LRP1B: variants seen among roughly 807,000 people sequenced by gnomAD.
LRP1B encodes the protein low-density lipoprotein receptor-related protein 1B.
Under a neutral mutation model 556.6 loss-of-function variants are expected in LRP1B, and 217 were observed. The observed-to-expected ratio is 0.39, with a 90% CI of 0.35 to 0.44. The LOEUF (loss-of-function observed/expected upper bound fraction) is 0.44, where lower values mean the gene tolerates loss of function less well. Among genes scored for constraint, LRP1B ranks in the 20% least tolerant of loss-of-function variants. The pLI is 1.00. For missense variants in LRP1B, 5,053 were observed against 5,620.8 expected (o/e 0.90, Z 3.23); for synonymous variants, 2,047 against 1,865.8 (o/e 1.10, Z -2.50).
At chr2:140,791,306 G>A (rs1319717258) in intron 32 of LRP1B, among the ~76,000 whole-genome samples, 2 of 151,906 alleles carry the variant, frequency 1.3e-5, no homozygotes, top group African/African-American at 2.4e-5. Flanking sequence ...GTGTACCCCT[G>A]TAATCTAAGC....
chr2:141,173,516 A>G (rs1437600510), intron 7 of LRP1B, among the ~76,000 whole-genome samples: 2 of 152,052 alleles, frequency 1.3e-5, no homozygotes, highest in Non-Finnish European at 2.9e-5. Context: ...TCCCTCAGCA[A>G]CTATCAGTGC....
intron 77 of LRP1B, among the ~76,000 whole-genome samples, chr2:140,347,834 G>A (rs184525389): frequency 5.9e-5 from 9 of 152,036 alleles, no homozygotes; most frequent in East Asian, 1.9e-4. Flanking sequence ...GAAAGTCTCC[G>A]TCAGTATTAT....
chr2:140,921,088 G>A (rs956636390), intron 21 of LRP1B, among the ~76,000 whole-genome samples: 11 of 151,696 alleles, frequency 7.3e-5, no homozygotes, highest in East Asian at 5.8e-4. Flanking sequence ...TTACTTAATC[G>A]TACTATTTAT....
At chr2:140,651,580 G>A (rs1158415312) in intron 41 of LRP1B, among the ~76,000 whole-genome samples, 1 of 148,362 alleles carries the variant, frequency 6.7e-6, no homozygotes, top group East Asian at 2.0e-4. Flanking sequence ...GTAGGGAGAT[G>A]CAGTTACCCA....
chr2:141,906,416 G>A (rs963535221), intron 1 of LRP1B, among the ~76,000 whole-genome samples: 11 of 151,848 alleles, frequency 7.2e-5, no homozygotes, highest in Non-Finnish European at 4.4e-5. Context: ...CACATAAATT[G>A]CATTCAAATA....
At chr2:141,076,103 T>G (rs1363914048) in intron 7 of LRP1B, among the ~76,000 whole-genome samples, 1 of 152,210 alleles carries the variant, frequency 6.6e-6, no homozygotes, top group Non-Finnish European at 1.5e-5. Flanking sequence ...AAGCAATACT[T>G]TCTTTATGAT....
chr2:140,392,205 G>T (rs1684051695), intron 66 of LRP1B, among the ~76,000 whole-genome samples: 1 of 151,678 alleles, frequency 6.6e-6, no homozygotes, highest in Non-Finnish European at 1.5e-5. Context: ...CAGCTACAAA[G>T]TTTTTGTTTT....
At chr2:141,297,179 G>A (rs1358758854) in intron 3 of LRP1B, among the ~76,000 whole-genome samples, 2 of 152,160 alleles carry the variant, frequency 1.3e-5, no homozygotes, top group African/African-American at 4.8e-5. Context: ...GAGTGCATGT[G>A]TCTTTTCGGT....
intron 15 of LRP1B, among the ~76,000 whole-genome samples, chr2:140,995,355 A>G (rs1294605691): frequency 6.6e-6 from 1 of 152,058 alleles, no homozygotes; most frequent in Non-Finnish European, 1.5e-5. Flanking sequence ...TCCCAAATAA[A>G]ACATTTTAAG....
At chr2:140,581,070 T>C (rs1023036029) in intron 43 of LRP1B, among the ~76,000 whole-genome samples, 1 of 152,180 alleles carries the variant, frequency 6.6e-6, no homozygotes, top group Non-Finnish European at 1.5e-5. Context: ...GGGTGAGTCC[T>C]CCAGGAGCAT....
At chr2:141,548,364 G>A (rs1416897173) in intron 2 of LRP1B, among the ~76,000 whole-genome samples, 1 of 152,226 alleles carries the variant, frequency 6.6e-6, no homozygotes, top group African/African-American at 2.4e-5. Context: ...TAGATAAAAT[G>A]AAGGGGGCTA....
intron 18 of LRP1B, among the ~76,000 whole-genome samples, chr2:140,967,431 G>T (rs1696263941): frequency 6.6e-6 from 1 of 152,044 alleles, no homozygotes. Context: ...AGCTTAAGGA[G>T]ATTTTGGGCT....
At chr2:140,780,371 C>T (rs1397827401) in intron 32 of LRP1B, among the ~76,000 whole-genome samples, 1 of 152,022 alleles carries the variant, frequency 6.6e-6, no homozygotes, top group African/African-American at 2.4e-5. Flanking sequence ...ACTGGGCTGG[C>T]TGTCTGACTA....
In LRP1B at chr2:140,868,277, A is replaced by AT; in HGVS notation, c.4170-15_4170-14insA. 1 of 1,556,258 alleles carries AT rather than the reference A, an allele frequency of 6.4e-7. No homozygotes were observed. Among genetic ancestry groups the AT allele is most frequent in the East Asian group, 2.3e-5 (1 of 43,340 alleles). On this transcript the variant is annotated splice_polypyrimidine_tract_variant and intron_variant, in intron 25 of 90. Coordinates refer to ENST00000389484, the MANE Select transcript of LRP1B (RefSeq NM_018557.3). ...CAGAAAAGAATTCTAAAAAAAAAAA[A>AT]AAAAAAAGAAATAATACTATTGTTT...
At chr2:141,099,958 A>AT (rs1700417304) in intron 7 of LRP1B, among the ~76,000 whole-genome samples, 1 of 152,246 alleles carries the variant, frequency 6.6e-6, no homozygotes, top group Admixed American at 6.5e-5. Flanking sequence ...CTATTATTCT[A>AT]TTTTACCAAC....
intron 3 of LRP1B, among the ~76,000 whole-genome samples, chr2:141,291,823 T>C (rs1442077184): frequency 8.2e-6 from 1 of 122,460 alleles, no homozygotes; most frequent in Non-Finnish European, 1.6e-5. Context: ...GCCACTGCAC[T>C]CCAGCCTGGG....
In LRP1B at chr2:140,526,127, G is replaced by C. The variant is rs904154263; in HGVS notation, c.7876+110C>G. ...TACGTAATTATCCCACACAACAGGG[G>C]TTAATTACATACCAATTTTGGACAA... On this transcript the variant is annotated intron_variant, in intron 48 of 90. Transcript: ENST00000389484. 2.2e-6 allele frequency: 3 copies of C among 1,348,254 alleles called. No homozygotes were observed. The East Asian group carries it at 7.1e-5, about 32-fold the overall frequency. The allele number at this position is 1,348,254 out of a possible 1,614,324, so 83.5% of individuals were successfully genotyped here. A position where few individuals can be genotyped will look rare whatever the true frequency, so the allele number is the denominator to read the frequency against.
At chr2:140,883,613 A>G (rs1288988392) in intron 25 of LRP1B, among the ~76,000 whole-genome samples, 1 of 151,728 alleles carries the variant, frequency 6.6e-6, no homozygotes, top group South Asian at 2.1e-4. Flanking sequence ...AAGCAATCCT[A>G]TCACCAAACT....
chr2:140,544,191 G>A (rs1309087062), intron 43 of LRP1B, among the ~76,000 whole-genome samples: 1 of 52,052 alleles, frequency 1.9e-5, no homozygotes, highest in South Asian at 1.0e-3. Context: ...TATCACAGGG[G>A]TATTAACTTT....
Sources: gnomAD v4.1 joint callset for allele counts (sites outside exome capture counted in the v4.1 genomes callset) on GRCh38, gnomAD v4.1.1 for gene constraint, MANE v1.5 for transcripts, NCBI Gene and HGNC (gene_info 2026-07-23, HGNC 2026-07-21) for gene names.